The following SLC25A21 variants were observed in gnomAD, a reference collection of about 807,000 sequenced individuals.
SLC25A21 encodes mitochondrial 2-oxodicarboxylate carrier.
A neutral mutation model predicts 43.8 loss-of-function variants in SLC25A21; 47 were observed. The observed-to-expected ratio is 1.07, with a 90% CI of 0.85 to 1.37. SLC25A21 has a LOEUF of 1.37. Ranked by LOEUF, SLC25A21 falls within the 40% of genes most tolerant of loss-of-function variation. The probability of loss-of-function intolerance (pLI) is 0.00; values close to 1 mark genes in which losing one functional copy is unlikely to be tolerated. For missense variants in SLC25A21, 352 were observed against 350.2 expected (o/e 1.00, Z -0.04); for synonymous variants, 131 against 121.3 (o/e 1.08, Z -0.52).
intron 1 of SLC25A21, among the ~76,000 whole-genome samples, chr14:36,959,989 G>A (rs975998583): frequency 6.6e-6 from 1 of 152,022 alleles, no homozygotes; most frequent in Non-Finnish European, 1.5e-5. Context: ...GTCCAATTAG[G>A]ACAAGAATAC....
At chr14:36,728,664 A>T (rs902612936) in intron 5 of SLC25A21, among the ~76,000 whole-genome samples, 5 of 152,252 alleles carry the variant, frequency 3.3e-5, no homozygotes, top group Admixed American at 3.3e-4. Context: ...TTTTTTAAAA[A>T]TAACAGATAC....
intron 5 of SLC25A21, among the ~76,000 whole-genome samples, chr14:36,728,369 C>A (rs1218098308): frequency 6.6e-6 from 1 of 152,196 alleles, no homozygotes; most frequent in Non-Finnish European, 1.5e-5. Context: ...AGCTGGCCCT[C>A]TGGAGACAAT....
intron 1 of SLC25A21, among the ~76,000 whole-genome samples, chr14:36,909,574 C>T (rs563885231): frequency 1.0e-3 from 156 of 152,284 alleles, no homozygotes; most frequent in African/African-American, 3.6e-3. Context: ...TTAGGACACA[C>T]TGACATATAG....
chr14:36,726,872 G>A (rs890938599), intron 5 of SLC25A21, among the ~76,000 whole-genome samples: 1 of 152,166 alleles, frequency 6.6e-6, no homozygotes, highest in African/African-American at 2.4e-5. Flanking sequence ...TCTTGTTAAT[G>A]GGCTCTAATA....
intron 1 of SLC25A21, among the ~76,000 whole-genome samples, chr14:37,083,843 T>C (rs1433505834): frequency 6.6e-6 from 1 of 152,200 alleles, no homozygotes; most frequent in Non-Finnish European, 1.5e-5. Flanking sequence ...CACTACACTA[T>C]ACATACTACT....
intron 1 of SLC25A21, among the ~76,000 whole-genome samples, chr14:36,889,540 G>C (rs1334247691): frequency 6.6e-6 from 1 of 152,142 alleles, no homozygotes; most frequent in African/African-American, 2.4e-5. Flanking sequence ...AGGCTGGGGT[G>C]CAGTGGTGCA....
At chr14:36,974,723 T>C (rs1959830015) in intron 1 of SLC25A21, among the ~76,000 whole-genome samples, 1 of 152,118 alleles carries the variant, frequency 6.6e-6, no homozygotes, top group African/African-American at 2.4e-5. Context: ...AAAGCTATAA[T>C]ATATATGTCA....
At chr14:36,905,117 G>A (rs1392992825) in intron 1 of SLC25A21, among the ~76,000 whole-genome samples, 1 of 152,100 alleles carries the variant, frequency 6.6e-6, no homozygotes, top group Non-Finnish European at 1.5e-5. Flanking sequence ...TGATTCCAAA[G>A]AAGACTATAA....
At chr14:36,781,497 G>T (rs76766084) in intron 3 of SLC25A21, among the ~76,000 whole-genome samples, 1,755 of 152,006 alleles carry the variant, frequency 0.012, 36 homozygotes, top group African/African-American at 0.039. Flanking sequence ...ATCTACTGCA[G>T]GTTTTTGCTT....
chr14:37,151,567 A>C (rs1326127554), intron 1 of SLC25A21, among the ~76,000 whole-genome samples: 1 of 152,234 alleles, frequency 6.6e-6, no homozygotes, highest in Admixed American at 6.5e-5. Context: ...GAGAAAAAGA[A>C]GACTTATGGG....
At chr14:37,022,740 T>C (rs1245915748) in intron 1 of SLC25A21, among the ~76,000 whole-genome samples, 1 of 152,042 alleles carries the variant, frequency 6.6e-6, no homozygotes, top group African/African-American at 2.4e-5. Context: ...TACTCAGTCC[T>C]GTGGTCTCAG....
At chr14:36,940,439 GA>G (rs1452164813) in intron 1 of SLC25A21, among the ~76,000 whole-genome samples, 1 of 151,982 alleles carries the variant, frequency 6.6e-6, no homozygotes, top group Non-Finnish European at 1.5e-5. Flanking sequence ...TGGTGGGATT[GA>G]CAGTATTTTA....
chr14:36,925,501 AAG>A (rs1237395210), intron 1 of SLC25A21, among the ~76,000 whole-genome samples: 2 of 152,212 alleles, frequency 1.3e-5, no homozygotes, highest in Admixed American at 1.3e-4. Flanking sequence ...TTTATGATAA[AAG>A]AGACAGTTCA....
intron 1 of SLC25A21, among the ~76,000 whole-genome samples, chr14:36,886,323 C>T (rs1421320357): frequency 1.3e-5 from 2 of 152,158 alleles, no homozygotes; most frequent in South Asian, 2.1e-4. Flanking sequence ...AAATAGGCAA[C>T]GTGATTTGGC....
intron 1 of SLC25A21, among the ~76,000 whole-genome samples, chr14:36,979,584 G>A (rs951513191): frequency 2.6e-5 from 4 of 152,232 alleles, no homozygotes; most frequent in Non-Finnish European, 4.4e-5. Flanking sequence ...TCGAACTACC[G>A]ACCTTCAGTG....
chr14:37,136,586 A>G (rs1963483445), intron 1 of SLC25A21, among the ~76,000 whole-genome samples: 1 of 152,186 alleles, frequency 6.6e-6, no homozygotes, highest in Admixed American at 6.5e-5. Flanking sequence ...TCCATTTAAA[A>G]ACCTGCACAC....
chr14:36,681,493 T>C (rs1222740846), intron 9 of SLC25A21, among the ~76,000 whole-genome samples: 4 of 152,272 alleles, frequency 2.6e-5, no homozygotes, highest in African/African-American at 7.2e-5. Context: ...GAAGCATTTG[T>C]ACATGGATCA....
At chr14:36,716,046 G>A (rs562628731) in intron 6 of SLC25A21, among the ~76,000 whole-genome samples, 1 of 152,094 alleles carries the variant, frequency 6.6e-6, no homozygotes, top group African/African-American at 2.4e-5. Flanking sequence ...AGCAGAGATC[G>A]TGCCACTGCA....
chr14:37,015,088 C>A lies in SLC25A21; in HGVS notation c.71-140084G>T, dbSNP rs529045644. On this transcript the variant is annotated intron_variant, in intron 1 of 9. Coordinates refer to ENST00000331299, the MANE Select transcript of SLC25A21 (RefSeq NM_030631.4). ...TAAGTATTAGGGTACATGTGCACAA[C>A]GTGCAGGTTAGTTACATATGTATAC... Among the ~76,000 whole-genome samples the A allele has an allele frequency of 1.2e-3, 179 of 152,020 alleles. 1 individual carries two copies. The highest frequency in any genetic ancestry group is 4.3e-3 in the African/African-American group (179 of 41,490).
Sources: allele counts gnomAD v4.1 joint callset (sites outside exome capture counted in the v4.1 genomes callset), GRCh38; gene constraint gnomAD v4.1.1; transcripts MANE v1.5; gene names NCBI Gene and HGNC (gene_info 2026-07-23, HGNC 2026-07-21).